Variants in ULK4 observed in about 807,000 individuals in gnomAD.
ULK4 encodes inactive serine/threonine-protein kinase ULK4.
Under a neutral mutation model 160.6 loss-of-function variants are expected in ULK4, and 133 were observed. The ratio of observed to expected loss-of-function variants is 0.83; its 90% CI spans 0.72 to 0.96. ULK4 has a LOEUF of 0.96. Among genes scored for constraint, ULK4 ranks in the 40% least tolerant of loss-of-function variants. ULK4 has a pLI of 0.00. For missense variants in ULK4, 1,580 were observed against 1,499.5 expected (o/e 1.05, Z -0.89); for synonymous variants, 534 against 539.8 (o/e 0.99, Z 0.15).
At chr3:41,868,744 G>A (rs555995047) in intron 17 of ULK4, among the ~76,000 whole-genome samples, 7 of 151,796 alleles carry the variant, frequency 4.6e-5, no homozygotes, top group East Asian at 1.9e-4. Context: ...TGATCCACTC[G>A]CCTTGGCCTC....
At chr3:41,408,253 C>A (rs2082334706) in intron 34 of ULK4, among the ~76,000 whole-genome samples, 1 of 150,892 alleles carries the variant, frequency 6.6e-6, no homozygotes, top group Admixed American at 6.6e-5. Context: ...ACGGTGAAAC[C>A]CTGTCTCTAC....
At chr3:41,840,077 T>C (rs146705944) in intron 17 of ULK4, among the ~76,000 whole-genome samples, 43 of 152,244 alleles carry the variant, frequency 2.8e-4, no homozygotes, top group African/African-American at 1.0e-3. Flanking sequence ...TCAAAATTAT[T>C]ATAAAAGTTA....
chr3:41,899,806 C>T (rs1396990874), intron 13 of ULK4, among the ~76,000 whole-genome samples: 1 of 151,976 alleles, frequency 6.6e-6, no homozygotes, highest in Non-Finnish European at 1.5e-5. Flanking sequence ...AGTTACTCTG[C>T]CAGACATATG....
intron 31 of ULK4, among the ~76,000 whole-genome samples, chr3:41,572,981 C>A (rs77618539): frequency 0.035 from 5,325 of 152,158 alleles, 301 homozygotes; most frequent in African/African-American, 0.12. Flanking sequence ...CCACAAAAGG[C>A]AATCCCACTA....
intron 35 of ULK4, among the ~76,000 whole-genome samples, chr3:41,279,255 T>TAAAAAAAAAAA (rs771175184): frequency 4.6e-5 from 2 of 43,060 alleles, no homozygotes; most frequent in Admixed American, 2.3e-4. Flanking sequence ...AAAAAAAGAG[T>TAAAAAAAAAAA]AAAAAAAAAA....
At chr3:41,809,712 T>C (rs2040761104) in intron 19 of ULK4, among the ~76,000 whole-genome samples, 1 of 152,190 alleles carries the variant, frequency 6.6e-6, no homozygotes, top group South Asian at 2.1e-4. Flanking sequence ...ACTATCTAAA[T>C]TAATAACCTT....
chr3:41,577,625 T>G (rs974189940), intron 31 of ULK4, among the ~76,000 whole-genome samples: 2 of 152,016 alleles, frequency 1.3e-5, no homozygotes, highest in African/African-American at 4.8e-5. Flanking sequence ...CCACTACCCT[T>G]CCCAACCTCT....
At position 41,566,073 on chromosome 3, in the gene ULK4, T is replaced by A. The variant is rs2087771695; in HGVS notation, c.3178A>T (p.Asn1060Tyr). ...TMQSVIALLS[N>Y]LVACKDSNME... ...TTCGAATCTTTGCAGGCAACTAGAT[T>A]GCTGAGTAATGCAATCACACTTTGC... Residue 1060 changes from asparagine to tyrosine, a missense_variant, in exon 32 of 37, where the codon AAT (asparagine) becomes TAT (tyrosine). Asn to Tyr is a moderately radical substitution (Grantham distance 143, BLOSUM62 -2). Transcript: ENST00000301831. 1 of 1,613,740 alleles carries A rather than the reference T, an allele frequency of 6.2e-7. No homozygotes were observed. Among genetic ancestry groups the A allele is most frequent in the African/African-American group, 1.3e-5 (1 of 74,930 alleles).
intron 34 of ULK4, among the ~76,000 whole-genome samples, chr3:41,416,456 G>T (rs1049228094): frequency 6.6e-6 from 1 of 152,168 alleles, no homozygotes. Context: ...ACGCCGTCAT[G>T]TAACAAAAGG....
intron 31 of ULK4, among the ~76,000 whole-genome samples, chr3:41,569,235 G>C (rs1575428033): frequency 6.6e-6 from 1 of 152,166 alleles, no homozygotes; most frequent in Admixed American, 6.5e-5. Context: ...CACTGGCCAT[G>C]AGTGATCAAC....
intron 34 of ULK4, among the ~76,000 whole-genome samples, chr3:41,446,003 A>G (rs1034845340): frequency 9.9e-5 from 15 of 152,166 alleles, no homozygotes; most frequent in Admixed American, 2.6e-4. Context: ...TCAAGAATCT[A>G]CAATGAACTC....
chr3:41,641,874 T>A (rs1268135836), intron 30 of ULK4, among the ~76,000 whole-genome samples: 1 of 133,874 alleles, frequency 7.5e-6, no homozygotes, highest in African/African-American at 4.0e-5. Flanking sequence ...TTAATACCTT[T>A]TTTTTTTTTT....
At chr3:41,902,764 A>G (rs1373688095) in intron 12 of ULK4, among the ~76,000 whole-genome samples, 6 of 152,114 alleles carry the variant, frequency 3.9e-5, no homozygotes, top group African/African-American at 1.4e-4. Context: ...GCAAAAAGAC[A>G]GGGGCAAACT....
At chr3:41,452,934 C>T (rs971896997) in intron 34 of ULK4, among the ~76,000 whole-genome samples, 4 of 152,052 alleles carry the variant, frequency 2.6e-5, no homozygotes, top group African/African-American at 4.8e-5. Flanking sequence ...AAGAGTTTAA[C>T]GTGTTCGCAG....
intron 20 of ULK4, among the ~76,000 whole-genome samples, chr3:41,795,828 A>G (rs530673223): frequency 6.6e-6 from 1 of 152,340 alleles, no homozygotes; most frequent in East Asian, 1.9e-4. Context: ...CCAGTGGTCC[A>G]GGTGAGAGAT....
intron 25 of ULK4, among the ~76,000 whole-genome samples, chr3:41,707,848 A>G (rs1205541995): frequency 6.6e-6 from 1 of 151,394 alleles, no homozygotes; most frequent in East Asian, 1.9e-4. Flanking sequence ...AAAAAAAAAA[A>G]GTCAAAGGAT....
chr3:41,591,233 C>T (rs1233222875), intron 31 of ULK4, among the ~76,000 whole-genome samples: 1 of 152,052 alleles, frequency 6.6e-6, no homozygotes, highest in Admixed American at 6.5e-5. Context: ...AAATTGTAAT[C>T]AGTGAATATA....
chr3:41,440,883 A>G (rs1235243035), intron 34 of ULK4, among the ~76,000 whole-genome samples: 1 of 152,056 alleles, frequency 6.6e-6, no homozygotes, highest in Non-Finnish European at 1.5e-5. Context: ...TGTACCTTTC[A>G]AGAAAGTTTT....
At chr3:41,365,741 G>T (rs763278944) in intron 35 of ULK4, among the ~76,000 whole-genome samples, 1 of 151,940 alleles carries the variant, frequency 6.6e-6, no homozygotes, top group Non-Finnish European at 1.5e-5. Flanking sequence ...TCACCATTAC[G>T]TTAAATGAGT....
Sources: gnomAD v4.1 joint callset for allele counts (sites outside exome capture counted in the v4.1 genomes callset) on GRCh38, gnomAD v4.1.1 for gene constraint, MANE v1.5 for transcripts, NCBI Gene and HGNC (gene_info 2026-07-23, HGNC 2026-07-21) for gene names.